SH3GL2: variants seen among roughly 807,000 people sequenced by gnomAD.
SH3GL2 encodes SH3 domain containing GRB2 like 2, endophilin A1.
A neutral mutation model predicts 46.0 loss-of-function variants in SH3GL2; 24 were observed. That is an observed-to-expected ratio of 0.52 (90% CI 0.38 to 0.73). The LOEUF (loss-of-function observed/expected upper bound fraction) is 0.73, where lower values mean the gene tolerates loss of function less well. SH3GL2 is among the 30% of genes least tolerant of loss of function. The pLI is 0.00. For synonymous variants in SH3GL2, 196 were observed against 147.1 expected (o/e 1.33, Z -2.40); for missense variants, 413 against 424.2 (o/e 0.97, Z 0.23).
intron 1 of SH3GL2, among the ~76,000 whole-genome samples, chr9:17,712,689 C>T (rs1161658853): frequency 1.3e-5 from 2 of 151,760 alleles, no homozygotes; most frequent in Non-Finnish European, 2.9e-5. Flanking sequence ...ATGCCAATAC[C>T]TCCTTGATTA....
intron 1 of SH3GL2, among the ~76,000 whole-genome samples, chr9:17,744,946 G>C (rs1034879652): frequency 6.6e-6 from 1 of 152,178 alleles, no homozygotes; most frequent in African/African-American, 2.4e-5. Flanking sequence ...CTAGCCTTGT[G>C]AGTCTAATGG....
At chr9:17,638,668 G>C (rs1184622678) in intron 1 of SH3GL2, among the ~76,000 whole-genome samples, 3 of 152,186 alleles carry the variant, frequency 2.0e-5, no homozygotes. Flanking sequence ...TTCTTGCCTT[G>C]TGGGCTAAGG....
chr9:17,725,235 C>G (rs1821991516), intron 1 of SH3GL2, among the ~76,000 whole-genome samples: 1 of 152,066 alleles, frequency 6.6e-6, no homozygotes, highest in Admixed American at 6.5e-5. Context: ...TTTTTCAAGT[C>G]TGTTCCACAT....
chr9:17,583,766 T>C (rs759877002), intron 1 of SH3GL2, among the ~76,000 whole-genome samples: 3 of 152,200 alleles, frequency 2.0e-5, no homozygotes, highest in Non-Finnish European at 2.9e-5. Flanking sequence ...ATGTTTGTGT[T>C]CTGTGTCTTT....
At chr9:17,590,285 A>G (rs926151447) in intron 1 of SH3GL2, 1 of 152,198 alleles carries the variant, frequency 6.6e-6, no homozygotes, top group Non-Finnish European at 1.5e-5. Context: ...TGCCATGGCC[A>G]TTGCACATCA....
At position 17,795,753 on chromosome 9, in the gene SH3GL2, C is replaced by A. The variant is rs1292917226; in HGVS notation, c.*10C>A. 1.9e-6 allele frequency: 3 copies of A among 1,608,096 alleles called. No individual in the cohort carries two copies. Among genetic ancestry groups the A allele is most frequent in the Non-Finnish European group, 1.7e-6 (2 of 1,175,480 alleles). ...TGCCCTGCCCCATTAGGATGTTATG[C>A]TGGCTGGCTCGCCTCCTCTTGACCC... On this transcript the variant is annotated 3_prime_UTR_variant, in exon 9 of 9. Transcript: ENST00000380607.
At chr9:17,606,582 A>G (rs977040824) in intron 1 of SH3GL2, among the ~76,000 whole-genome samples, 9 of 152,182 alleles carry the variant, frequency 5.9e-5, no homozygotes, top group Non-Finnish European at 1.2e-4. Flanking sequence ...CTTTGTATCC[A>G]TCATGAGAGA....
intron 1 of SH3GL2, among the ~76,000 whole-genome samples, chr9:17,739,076 A>T (rs892752851): frequency 3.9e-5 from 6 of 152,048 alleles, no homozygotes; most frequent in Admixed American, 1.3e-4. Context: ...ACCCAGGTCC[A>T]CCCTGTTGTG....
At chr9:17,588,070 C>T (rs530653288) in intron 1 of SH3GL2, among the ~76,000 whole-genome samples, 131 of 152,252 alleles carry the variant, frequency 8.6e-4, no homozygotes, top group Non-Finnish European at 1.7e-3. Flanking sequence ...TTTGGCTTAA[C>T]CAAGAAGTCT....
At chr9:17,594,805 G>A (rs1377385580) in intron 1 of SH3GL2, among the ~76,000 whole-genome samples, 1 of 152,152 alleles carries the variant, frequency 6.6e-6, no homozygotes, top group African/African-American at 2.4e-5. Flanking sequence ...TTCCTAGCCT[G>A]TAGTGGGCAT....
At chr9:17,745,130 G>A (rs1350889733) in intron 1 of SH3GL2, among the ~76,000 whole-genome samples, 1 of 152,136 alleles carries the variant, frequency 6.6e-6, no homozygotes, top group Non-Finnish European at 1.5e-5. Context: ...CATCTTCAAT[G>A]TAGTAATAAT....
intron 1 of SH3GL2, among the ~76,000 whole-genome samples, chr9:17,701,741 A>G (rs1821346980): frequency 1.3e-5 from 2 of 152,092 alleles, no homozygotes; most frequent in Non-Finnish European, 2.9e-5. Flanking sequence ...TCCTAGCTAT[A>G]AATGATATAA....
intron 1 of SH3GL2, among the ~76,000 whole-genome samples, chr9:17,733,413 C>T (rs1822236943): frequency 6.6e-6 from 1 of 151,930 alleles, no homozygotes; most frequent in Non-Finnish European, 1.5e-5. Context: ...TCTCCCAATG[C>T]TATCCCTACC....
intron 1 of SH3GL2, among the ~76,000 whole-genome samples, chr9:17,679,270 A>C (rs12003312): frequency 0.014 from 2,186 of 152,228 alleles, 58 homozygotes; most frequent in African/African-American, 0.05. Flanking sequence ...ATGAGCATGG[A>C]ATGTTCTTCC....
At chr9:17,737,364 G>GA (rs1822369769) in intron 1 of SH3GL2, among the ~76,000 whole-genome samples, 2 of 151,598 alleles carry the variant, frequency 1.3e-5, no homozygotes, top group Admixed American at 6.6e-5. Context: ...TAAAAAATAA[G>GA]AAAAAAAGTA....
intron 1 of SH3GL2, among the ~76,000 whole-genome samples, chr9:17,737,827 C>G (rs1314526443): frequency 6.6e-6 from 1 of 152,114 alleles, no homozygotes; most frequent in Admixed American, 6.6e-5. Flanking sequence ...GCAACACACT[C>G]TCCTGTGCAT....
intron 8 of SH3GL2, 92 bp downstream of exon 8, chr9:17,793,589 C>T: frequency 8.0e-7 from 1 of 1,256,988 alleles, no homozygotes; most frequent in Non-Finnish European, 1.1e-6. Flanking sequence ...AATCTGGCTG[C>T]ATAGGAAATA....
intron 1 of SH3GL2, among the ~76,000 whole-genome samples, chr9:17,731,108 TG>T (rs1822167083): frequency 2.0e-5 from 3 of 152,242 alleles, no homozygotes; most frequent in East Asian, 3.9e-4. Context: ...GTGGCAGGAA[TG>T]ATACCTTTTC....
intron 3 of SH3GL2, among the ~76,000 whole-genome samples, chr9:17,769,402 A>G (rs1265455207): frequency 6.6e-6 from 1 of 152,096 alleles, no homozygotes; most frequent in African/African-American, 2.4e-5. Context: ...CCTATTTTAC[A>G]TTCTTCACAT....
Sources: gnomAD v4.1 joint callset for allele counts (sites outside exome capture counted in the v4.1 genomes callset) on GRCh38, gnomAD v4.1.1 for gene constraint, MANE v1.5 for transcripts, NCBI Gene and HGNC (gene_info 2026-07-23, HGNC 2026-07-21) for gene names.